XRN1: variants seen among roughly 807,000 people sequenced by gnomAD.
XRN1 encodes 5'-3' exoribonuclease 1, also known as strand-exchange protein 1 homolog.
A neutral mutation model predicts 222.3 loss-of-function variants in XRN1; 67 were observed. That is an observed-to-expected ratio of 0.30 (90% CI 0.25 to 0.37). The LOEUF is 0.37. XRN1 is among the 10% of genes least tolerant of loss of function. The pLI is 1.00. For synonymous variants in XRN1, 643 were observed against 652.4 expected, an observed-to-expected ratio of 0.99 and a Z score of 0.22; for missense variants, 1,707 against 2,000.2, an observed-to-expected ratio of 0.85 and a Z score of 2.80.
At chr3:142,332,264 A>C (rs573182622) in intron 36 of XRN1, 111 bp downstream of exon 36, 1 of 894,730 alleles carries the variant, frequency 1.1e-6, no homozygotes, top group African/African-American at 1.7e-5. Context: ...TAAAATAAAT[A>C]AATACATTAA....
At position 142,387,189 on chromosome 3, in the gene XRN1, C is replaced by T. The variant is rs117783583; in HGVS notation, c.2340-2504G>A. ...CAATATGGATATTAGAATCACAATA[C>T]TGACCAAAAGAAATCAGGCTCAAGA... On this transcript the variant is annotated intron_variant, in intron 20 of 40. Coordinates refer to ENST00000392981, the MANE Select transcript of XRN1 (RefSeq NM_001282857.2). 2.7e-3 allele frequency among the ~76,000 whole-genome samples: 408 copies of T among 152,252 alleles called. 6 individuals carry two copies. The highest frequency in any genetic ancestry group is 0.016 in the East Asian group (83 of 5,186).
At chr3:142,336,223 A>C (rs2065847485) in intron 33 of XRN1, among the ~76,000 whole-genome samples, 1 of 152,198 alleles carries the variant, frequency 6.6e-6, no homozygotes. Flanking sequence ...ACAGAATATG[A>C]AGATGAAAAA....
chr3:142,425,340 A>G lies in XRN1; in HGVS notation c.517-8T>C. The stretch of plus-strand genomic sequence containing the variant: ...CTCTCCTTCTCCAGGAGTCTAAATA[A>G]AATTGTTTTTAAAAATGCAGTAATA... On this transcript the variant is annotated splice_region_variant and splice_polypyrimidine_tract_variant and intron_variant, in intron 4 of 40. Coordinates refer to ENST00000392981, the MANE Select transcript of XRN1 (RefSeq NM_001282857.2). The G allele has an allele frequency of 6.3e-7, 1 of 1,592,650 alleles. No individual in the cohort carries two copies. The highest frequency in any genetic ancestry group is 1.7e-4 in the Middle Eastern group (1 of 5,952).
At chr3:142,380,901 G>A (rs2067281374) in intron 22 of XRN1, among the ~76,000 whole-genome samples, 1 of 151,882 alleles carries the variant, frequency 6.6e-6, no homozygotes, top group Non-Finnish European at 1.5e-5. Flanking sequence ...CCCCACGCCC[G>A]CCTTGGCCTC....
intron 1 of XRN1, among the ~76,000 whole-genome samples, chr3:142,436,596 A>G (rs1000859728): frequency 3.3e-5 from 5 of 152,216 alleles, no homozygotes; most frequent in African/African-American, 1.2e-4. Context: ...ACTTGTAAAG[A>G]TGAAGTATAA....
In XRN1 at chr3:142,384,637, C is replaced by T. The variant is rs780393316; in HGVS notation, c.2388G>A (p.Val796=). The T allele has an allele frequency of 1.2e-6, 2 of 1,607,958 alleles. No individual in the cohort carries two copies. The highest frequency in any genetic ancestry group is 2.2e-5 in the South Asian group (2 of 89,700). Residue 796 remains valine, a synonymous_variant, in exon 21 of 41, where the codon GTG becomes GTA. Coordinates refer to ENST00000392981, the MANE Select transcript of XRN1 (RefSeq NM_001282857.2). The part of the protein sequence containing the change: ...GIIINETSAV[V]YAQLLTGRKY... ...TACGACCTGTGAGTAACTGAGCATACACAACTGCAGATGTTTCATTTATTA... is the reference window on the plus strand; with the variant it reads ...TACGACCTGTGAGTAACTGAGCATATACAACTGCAGATGTTTCATTTATTA...
At chr3:142,428,448 A>T (rs1198936612) in intron 2 of XRN1, among the ~76,000 whole-genome samples, 6 of 151,206 alleles carry the variant, frequency 4.0e-5, no homozygotes, top group African/African-American at 1.2e-4. Context: ...TCTAGTGGGG[A>T]GGTAGAAAAT....
chr3:142,431,897 A>AC, intron 2 of XRN1, among the ~76,000 whole-genome samples: 1 of 27,768 alleles, frequency 3.6e-5, no homozygotes. Context: ...TATATAATAT[A>AC]TATATTATAT....
chr3:142,430,642 C>T (rs2069481837), intron 2 of XRN1, among the ~76,000 whole-genome samples: 1 of 152,138 alleles, frequency 6.6e-6, no homozygotes, highest in Non-Finnish European at 1.5e-5. Flanking sequence ...AAGCACCGTC[C>T]CACCTTCTTT....
chr3:142,443,466 C>T (rs1038884877), intron 1 of XRN1, among the ~76,000 whole-genome samples: 2 of 152,176 alleles, frequency 1.3e-5, no homozygotes, highest in Non-Finnish European at 2.9e-5. Flanking sequence ...CACTAAAATG[C>T]TAATTAGGCA....
Position 142,448,008 on chromosome 3 carries a change from G to A in XRN1, c.-64C>T. ...AAACCAAACGCCCCGCCGGGGCTCCGCCGCAGCCTCCGGTCGTCGCTCCGC... is the reference window on the plus strand; with the variant it reads ...AAACCAAACGCCCCGCCGGGGCTCCACCGCAGCCTCCGGTCGTCGCTCCGC... On this transcript the variant is annotated 5_prime_UTR_variant, in exon 1 of 41. Transcript: ENST00000392981. 1 of 1,548,100 alleles carries A rather than the reference G, an allele frequency of 6.5e-7. No individual in the cohort carries two copies. Among genetic ancestry groups the A allele is most frequent in the East Asian group, 2.3e-5 (1 of 43,900 alleles).
At chr3:142,341,702 T>C (rs2065999566) in intron 33 of XRN1, among the ~76,000 whole-genome samples, 1 of 151,832 alleles carries the variant, frequency 6.6e-6, no homozygotes, top group Admixed American at 6.6e-5. Context: ...TAAAGACACA[T>C]GCAGACAAAT....
intron 25 of XRN1, among the ~76,000 whole-genome samples, chr3:142,375,514 AGGTAT>A (rs900405435): frequency 6.6e-6 from 1 of 152,230 alleles, no homozygotes; most frequent in African/African-American, 2.4e-5. Flanking sequence ...GTGCTGACAT[AGGTAT>A]GCAAGGTAGT....
chr3:142,406,803 T>C (rs1559856479), intron 15 of XRN1, among the ~76,000 whole-genome samples: 3 of 152,044 alleles, frequency 2.0e-5, no homozygotes, highest in Non-Finnish European at 4.4e-5. Context: ...GTGTGAGCCA[T>C]AAACATTATT....
chr3:142,417,552 A>C (rs1189490521), intron 12 of XRN1, among the ~76,000 whole-genome samples: 2 of 152,144 alleles, frequency 1.3e-5, no homozygotes, highest in Non-Finnish European at 2.9e-5. Context: ...CACTCTCTTA[A>C]ATAGTGGGGG....
chr3:142,395,962 A>G (rs531527907), intron 20 of XRN1, among the ~76,000 whole-genome samples: 2 of 152,278 alleles, frequency 1.3e-5, no homozygotes, highest in South Asian at 4.1e-4. Flanking sequence ...CTTCCTTGGG[A>G]AACTGTCCCT....
chr3:142,405,067 A>G lies in XRN1; in HGVS notation c.1723T>C (p.Leu575=), dbSNP rs778279391. 7 of 1,613,754 alleles carry G rather than the reference A, an allele frequency of 4.3e-6. No individual in the cohort carries two copies. The highest frequency in any genetic ancestry group is 1.7e-6 in the Non-Finnish European group (2 of 1,179,820). The change falls in exon 16 of 41, where the codon TTG becomes CTG. Residue 575 remains leucine, a synonymous_variant. Coordinates refer to ENST00000392981, the MANE Select transcript of XRN1 (RefSeq NM_001282857.2). ...TGGTTACATGTCTCCATGGCTTCCA[A>G]TAATCGCTTCTGAATATAAGGATTG... is the stretch of plus-strand genomic sequence containing the variant. ...LIPFIDEKRL[L]EAMETCNHSL... is the part of the protein sequence containing the mutation.
At chr3:142,409,602 G>A (rs2068484654) in intron 15 of XRN1, among the ~76,000 whole-genome samples, 2 of 152,156 alleles carry the variant, frequency 1.3e-5, no homozygotes, top group African/African-American at 4.8e-5. Context: ...GGTCATGTAA[G>A]TCCTCCAACA....
chr3:142,311,488 T>G lies in XRN1; in HGVS notation c.*23A>C. On this transcript the variant is annotated 3_prime_UTR_variant, in exon 41 of 41. Coordinates refer to ENST00000392981, the MANE Select transcript of XRN1 (RefSeq NM_001282857.2). ...AAAGGTAGATGGAAAGAGAAGAAAT[T>G]AACTTAATTCTAAGAGCCAAATTTA... 1.3e-6 allele frequency: 2 copies of G among 1,543,440 alleles called. No homozygotes were observed. The highest frequency in any genetic ancestry group is 1.7e-6 in the Non-Finnish European group (2 of 1,143,856).
Sources: allele counts gnomAD v4.1 joint callset (sites outside exome capture counted in the v4.1 genomes callset), GRCh38; gene constraint gnomAD v4.1.1; transcripts MANE v1.5; gene names NCBI Gene and HGNC (gene_info 2026-07-23, HGNC 2026-07-21).